The following CCDC66 variants were observed in gnomAD, a reference collection of about 807,000 sequenced individuals.
CCDC66 encodes coiled-coil domain-containing protein 66.
A neutral mutation model predicts 128.3 loss-of-function variants in CCDC66; 133 were observed. The observed-to-expected ratio is 1.04, with a 90% confidence interval of 0.90 to 1.20. The LOEUF (loss-of-function observed/expected upper bound fraction) is 1.20, where lower values mean the gene tolerates loss of function less well. Ranked by LOEUF, CCDC66 falls within the 50% of genes most tolerant of loss-of-function variation. The pLI is 0.00. For missense variants in CCDC66, 1,126 were observed against 1,075.5 expected, an observed-to-expected ratio of 1.05 and a Z score of -0.66; for synonymous variants, 387 against 357.0, an observed-to-expected ratio of 1.08 and a Z score of -0.95.
At chr3:56,607,358 C>T (rs1255159065) in intron 10 of CCDC66, among the ~76,000 whole-genome samples, 2 of 152,064 alleles carry the variant, frequency 1.3e-5, no homozygotes, top group African/African-American at 4.8e-5. Context: ...GGTCTTTCGA[C>T]TCCTTTGTTA....
In CCDC66 at chr3:56,568,346, C is replaced by T. The variant is rs575552733; in HGVS notation, c.814+1293C>T. 1.5e-3 allele frequency among the ~76,000 whole-genome samples: 234 copies of T among 152,324 alleles called. 1 individual carries two copies. The highest frequency in any genetic ancestry group is 5.4e-3 in the African/African-American group (226 of 41,578). ...TGGTTCAAGGATAGTCTTCCCACTT[C>T]AGGGTGCCAAAATGCACAGATGCTC... is the stretch of plus-strand genomic sequence containing the variant. On this transcript the variant is annotated intron_variant, in intron 6 of 17. Coordinates refer to ENST00000394672, the MANE Select transcript of CCDC66 (RefSeq NM_001141947.3).
intron 7 of CCDC66, among the ~76,000 whole-genome samples, chr3:56,578,132 A>G (rs1011800896): frequency 2.0e-5 from 3 of 151,630 alleles, no homozygotes; most frequent in African/African-American, 2.4e-5. Context: ...GGTCCTTCAC[A>G]TCCCTTGTAA....
intron 13 of CCDC66, chr3:56,616,828 G>A (rs1410098149): frequency 3.0e-5 from 9 of 301,576 alleles, no homozygotes; most frequent in Non-Finnish European, 4.8e-5. Flanking sequence ...TGGTTGTGAA[G>A]TGGTATCTCA....
chr3:56,568,276 T>C (rs2066157225), intron 6 of CCDC66, among the ~76,000 whole-genome samples: 2 of 152,192 alleles, frequency 1.3e-5, no homozygotes, highest in Admixed American at 6.5e-5. Context: ...TAAAACACTG[T>C]AGTTCCCTTT....
chr3:56,560,234 G>T (rs1447998503), intron 3 of CCDC66, among the ~76,000 whole-genome samples: 1 of 152,062 alleles, frequency 6.6e-6, no homozygotes, highest in African/African-American at 2.4e-5. Flanking sequence ...TTATCACTTT[G>T]TTTATTTTAA....
chr3:56,567,321 C>G (rs1394310532), intron 6 of CCDC66, among the ~76,000 whole-genome samples: 1 of 152,118 alleles, frequency 6.6e-6, no homozygotes, highest in African/African-American at 2.4e-5. Flanking sequence ...ACCTGGGAGG[C>G]AGAGGTTGCA....
chr3:56,596,020 T>C lies in CCDC66; in HGVS notation c.1404+1992T>C, dbSNP rs147706123. On this transcript the variant is annotated intron_variant, in intron 10 of 17. Transcript: ENST00000394672. ...GCCTCATACCCCTGGGCTCAAGCAA[T>C]CCTGCTGCCCGAGCCTCCCCAGTAG... Among the ~76,000 whole-genome samples, 513 of 152,308 alleles carry C rather than the reference T, an allele frequency of 3.4e-3. 1 individual carries two copies. Among genetic ancestry groups the C allele is most frequent in the Non-Finnish European group, 4.1e-3 (276 of 68,030 alleles).
chr3:56,605,994 A>C (rs1336425297), intron 10 of CCDC66, among the ~76,000 whole-genome samples: 1 of 152,038 alleles, frequency 6.6e-6, no homozygotes, highest in Non-Finnish European at 1.5e-5. Context: ...CTAGAGAGGC[A>C]ATCTGGCCAC....
chr3:56,617,048 A>G, intron 13 of CCDC66, 64 bp from the exon 14 acceptor site: 6 of 1,275,690 alleles, frequency 4.7e-6, no homozygotes, highest in South Asian at 1.7e-5. Context: ...TGTTTTGGGG[A>G]AAATTATTTA....
At chr3:56,563,228 G>C in intron 3 of CCDC66, among the ~76,000 whole-genome samples, 1 of 151,942 alleles carries the variant, frequency 6.6e-6, no homozygotes. Flanking sequence ...AGGCTTGGTG[G>C]TGGGCACCTG....
In CCDC66 at chr3:56,617,220, G is replaced by T. The variant is rs1233728231; in HGVS notation, c.1952G>T (p.Gly651Val). Residue 651 changes from glycine (G) to valine (V), a missense_variant, in exon 14 of 18, where the codon GGA becomes GTA. Transcript: ENST00000394672. The part of the protein sequence containing the change: ...SSPEISAELI[G>V]QFSTKKNKQE... ...CCTGAGATTTCGGCAGAACTTATTG[G>T]ACAGTTTAGCACCAAGAAAAACAAG... 3.7e-6 allele frequency: 6 copies of T among 1,613,554 alleles called. No homozygotes were observed. The highest frequency in any genetic ancestry group is 4.2e-6 in the Non-Finnish European group (5 of 1,179,922).
At position 56,607,547 on chromosome 3, in the gene CCDC66, T is replaced by G. The variant is rs1577913733; in HGVS notation, c.1405-6042T>G. On this transcript the variant is annotated intron_variant, in intron 10 of 17. Transcript: ENST00000394672. The stretch of plus-strand genomic sequence containing the variant: ...TTCTAGGAGCTTTCTGGAGGAGTCT[T>G]ACAGACTCCTAAGGTAAACAGTTAT... Among the ~76,000 whole-genome samples the G allele has an allele frequency of 1.3e-5, 2 of 152,186 alleles. 1 individual carries two copies. The highest frequency in any genetic ancestry group is 4.1e-4 in the South Asian group (2 of 4,830).
At chr3:56,583,524 G>C (rs997948524) in intron 7 of CCDC66, among the ~76,000 whole-genome samples, 1 of 151,876 alleles carries the variant, frequency 6.6e-6, no homozygotes. Flanking sequence ...CTGCCTTCAA[G>C]CATCTGTTTA....
At position 56,557,267 on chromosome 3, in the gene CCDC66, A is replaced by G; in HGVS notation, c.11+14A>G. On this transcript the variant is annotated intron_variant, in intron 1 of 17. Transcript: ENST00000394672. The stretch of plus-strand genomic sequence containing the variant: ...CATGAACTTGGGGTAAGCAGGGGTA[A>G]GCTGGGGTAAGCTGGGGTAAGCAAG... 6.5e-7 allele frequency: 1 copy of G among 1,547,754 alleles called. No homozygotes were observed. The highest frequency in any genetic ancestry group is 8.7e-7 in the Non-Finnish European group (1 of 1,146,198).
At chr3:56,620,080 T>TAAA (rs1438182116) in intron 17 of CCDC66, 179 bp downstream of exon 17, 6 of 516,846 alleles carry the variant, frequency 1.2e-5, no homozygotes, top group Admixed American at 7.1e-5. Context: ...GACTTGCTTT[T>TAAA]ACACTGCCGT....
At chr3:56,609,111 C>G (rs1248251387) in intron 10 of CCDC66, among the ~76,000 whole-genome samples, 2 of 152,126 alleles carry the variant, frequency 1.3e-5, no homozygotes, top group Non-Finnish European at 2.9e-5. Flanking sequence ...CTGTATATAT[C>G]TGTTAGGTCC....
Position 56,563,680 on chromosome 3 carries a change from ACAG to A in CCDC66, c.103-3_103-1del. 1 of 1,542,672 alleles carries A rather than the reference ACAG, an allele frequency of 6.5e-7. No homozygotes were observed. Among genetic ancestry groups the A allele is most frequent in the Non-Finnish European group, 8.7e-7 (1 of 1,143,320 alleles). ...TAAAGAATAAGCTTCTGGTGTTTTA[ACAG>A]ATGGGAAATAAGGCCAAGATTGCAA... On this transcript the variant is annotated splice_acceptor_variant and splice_polypyrimidine_tract_variant and intron_variant, in intron 3 of 17. Transcript: ENST00000394672. LOFTEE classifies it high-confidence loss of function.
At chr3:56,605,796 G>T (rs564638562) in intron 10 of CCDC66, among the ~76,000 whole-genome samples, 1 of 152,186 alleles carries the variant, frequency 6.6e-6, no homozygotes, top group South Asian at 2.1e-4. Context: ...GAGCTCGAAT[G>T]CTGTGCTGGG....
At chr3:56,591,001 G>T (rs1045842816) in intron 7 of CCDC66, among the ~76,000 whole-genome samples, 1 of 152,194 alleles carries the variant, frequency 6.6e-6, no homozygotes, top group African/African-American at 2.4e-5. Flanking sequence ...TCAACTAAAT[G>T]CATGCAGTAA....
Sources: allele counts gnomAD v4.1 joint callset (sites outside exome capture counted in the v4.1 genomes callset), GRCh38; gene constraint gnomAD v4.1.1; transcripts MANE v1.5; gene names NCBI Gene and HGNC (gene_info 2026-07-23, HGNC 2026-07-21).